PRDX6: variants seen among roughly 807,000 people sequenced by gnomAD.
PRDX6 encodes peroxiredoxin 6.
A neutral mutation model predicts 20.0 loss-of-function variants in PRDX6; 13 were observed. The observed-to-expected ratio is 0.65, with a 90% confidence interval of 0.42 to 1.03. The LOEUF is 1.03. Among genes scored for constraint, PRDX6 ranks in the 50% least tolerant of loss-of-function variants. PRDX6 has a pLI of 0.00. For missense variants in PRDX6, 203 were observed against 276.9 expected, an observed-to-expected ratio of 0.73 and a Z score of 1.89; for synonymous variants, 85 against 100.8, an observed-to-expected ratio of 0.84 and a Z score of 0.94.
chr1:173,486,068 A>G (rs975199808), intron 3 of PRDX6, among the ~76,000 whole-genome samples, 187 bp from the exon 4 acceptor site: 4 of 152,258 alleles, frequency 2.6e-5, no homozygotes, highest in African/African-American at 9.6e-5. Context: ...ACGTTTAGAA[A>G]ATAACAGGGA....
chr1:173,485,873 G>A (rs1390569732), intron 3 of PRDX6, among the ~76,000 whole-genome samples: 1 of 151,890 alleles, frequency 6.6e-6, no homozygotes, highest in African/African-American at 2.4e-5. Flanking sequence ...TCTGTCCTCC[G>A]CCCACTAGAA....
At chr1:173,479,250 G>A (rs369820417) in intron 1 of PRDX6, among the ~76,000 whole-genome samples, 8 of 152,226 alleles carry the variant, frequency 5.3e-5, no homozygotes, top group African/African-American at 9.6e-5. Flanking sequence ...TTAGGAACAC[G>A]GTAGAAATAT....
intron 2 of PRDX6, among the ~76,000 whole-genome samples, chr1:173,483,174 C>T (rs1658832173): frequency 6.6e-6 from 1 of 152,070 alleles, no homozygotes; most frequent in African/African-American, 2.4e-5. Context: ...TATATAATAC[C>T]TTTTAAAGGA....
chr1:173,487,781 C>A lies in PRDX6; in HGVS notation c.593C>A (p.Ala198Asp). The A allele has an allele frequency of 6.2e-7, 1 of 1,614,096 alleles. No individual in the cohort carries two copies. Among genetic ancestry groups the A allele is most frequent in the Non-Finnish European group, 8.5e-7 (1 of 1,179,988 alleles). ...CTTCCAACCATCCCTGAAGAAGAAG[C>A]CAAAAAACTTTTCCCGAAAGGAGTC... is the stretch of plus-strand genomic sequence containing the variant. ...MVLPTIPEEE[A>D]KKLFPKGVFT... Residue 198 changes from alanine to aspartate, a missense_variant, in exon 5 of 5, where the codon GCC becomes GAC. Coordinates refer to ENST00000340385, the MANE Select transcript of PRDX6 (RefSeq NM_004905.3).
chr1:173,484,927 C>A (rs1658872255), intron 2 of PRDX6, among the ~76,000 whole-genome samples: 2 of 150,688 alleles, frequency 1.3e-5, no homozygotes, highest in South Asian at 4.2e-4. Flanking sequence ...GGGACCAGAT[C>A]TATAAGATTT....
At chr1:173,485,315 A>T (rs142552101) in intron 2 of PRDX6, 46 bp from the exon 3 acceptor site, 1 of 1,483,242 alleles carries the variant, frequency 6.7e-7, no homozygotes, top group African/African-American at 1.4e-5. Flanking sequence ...AATTCAGAGC[A>T]TGTGTTGGGT....
chr1:173,487,868 C>T lies in PRDX6; in HGVS notation c.*5C>T, dbSNP rs372773282. On this transcript the variant is annotated 3_prime_UTR_variant, in exon 5 of 5. Coordinates refer to ENST00000340385, the MANE Select transcript of PRDX6 (RefSeq NM_004905.3). ...CGCTACACACCCCAGCCTTAAGTCT[C>T]TTGGAGAAGCTGGTGCTGTGAGCCA... is the stretch of plus-strand genomic sequence containing the variant. 1.9e-6 allele frequency: 3 copies of T among 1,612,058 alleles called. No homozygotes were observed. The highest frequency in any genetic ancestry group is 2.5e-6 in the Non-Finnish European group (3 of 1,179,882).
chr1:173,478,510 T>A (rs796955148), intron 1 of PRDX6, among the ~76,000 whole-genome samples: 8 of 152,060 alleles, frequency 5.3e-5, no homozygotes, highest in African/African-American at 1.9e-4. Flanking sequence ...TAAATCGGTG[T>A]TGCCCTTTTT....
chr1:173,482,852 T>A (rs2101857864), intron 2 of PRDX6, among the ~76,000 whole-genome samples: 1 of 152,302 alleles, frequency 6.6e-6, no homozygotes, highest in Admixed American at 6.5e-5. Context: ...GTAACTGTAG[T>A]TTTTGCTATC....
At chr1:173,485,033 G>A (rs1658873730) in intron 2 of PRDX6, among the ~76,000 whole-genome samples, 1 of 152,044 alleles carries the variant, frequency 6.6e-6, no homozygotes. Context: ...GAGGTACCTT[G>A]TATTTGGATC....
At chr1:173,483,184 A>G (rs897826861) in intron 2 of PRDX6, among the ~76,000 whole-genome samples, 1 of 152,224 alleles carries the variant, frequency 6.6e-6, no homozygotes, top group Non-Finnish European at 1.5e-5. Flanking sequence ...CTTTTAAAGG[A>G]CAGACGCATA....
chr1:173,483,214 C>T (rs1385165693), intron 2 of PRDX6, among the ~76,000 whole-genome samples: 3 of 152,158 alleles, frequency 2.0e-5, no homozygotes. Context: ...ATTTTACCTG[C>T]TGAGCTTCTG....
chr1:173,486,514 T>C, intron 4 of PRDX6, 113 bp downstream of exon 4: 1 of 1,159,230 alleles, frequency 8.6e-7, no homozygotes, highest in Non-Finnish European at 1.2e-6. Context: ...ACTGGGAGGA[T>C]TTTTCCTCAT....
chr1:173,478,378 G>A (rs983055351), intron 1 of PRDX6, among the ~76,000 whole-genome samples: 2 of 152,166 alleles, frequency 1.3e-5, no homozygotes, highest in Admixed American at 6.5e-5. Flanking sequence ...GTTTTCCAGT[G>A]GCTTGCCCCT....
chr1:173,481,015 G>A (rs544806317), intron 1 of PRDX6, among the ~76,000 whole-genome samples: 8 of 152,260 alleles, frequency 5.3e-5, no homozygotes, highest in African/African-American at 1.4e-4. Context: ...AGCACAGATT[G>A]TATTAGCCAA....
chr1:173,478,733 A>C (rs2101855966), intron 1 of PRDX6, among the ~76,000 whole-genome samples: 1 of 152,294 alleles, frequency 6.6e-6, no homozygotes, highest in South Asian at 2.1e-4. Flanking sequence ...CAGTGATTGG[A>C]CAGGGCTGTG....
rs1198519465 is a variant in PRDX6 at position 173,477,436 on chromosome 1, C to A, written c.39C>A (p.Asn13Lys). The A allele has an allele frequency of 6.2e-7, 1 of 1,608,694 alleles. No homozygotes were observed. The highest frequency in any genetic ancestry group is 1.7e-5 in the Admixed American group (1 of 59,526). Reference sequence around the variant, plus strand: ...TGCTTCTCGGGGACGTGGCTCCCAACTTTGAGGCCAATACCACCGTCGGCC... The same window carrying A: ...TGCTTCTCGGGGACGTGGCTCCCAAATTTGAGGCCAATACCACCGTCGGCC... Reference protein sequence around the residue: ...GGLLLGDVAPNFEANTTVGRI... With the variant: ...GGLLLGDVAPKFEANTTVGRI... The change falls in exon 1 of 5, where the codon AAC (asparagine) becomes AAA (lysine). Residue 13 changes from asparagine (N) to lysine (K), a missense_variant. Asn to Lys is a moderately conservative substitution (Grantham distance 94). Transcript: ENST00000340385.
At chr1:173,487,326 G>T (rs1658917946) in intron 4 of PRDX6, among the ~76,000 whole-genome samples, 1 of 152,202 alleles carries the variant, frequency 6.6e-6, no homozygotes, top group Non-Finnish European at 1.5e-5. Flanking sequence ...AGCAGTTAGT[G>T]CAAGAAACTG....
At chr1:173,478,490 A>G (rs1157137275) in intron 1 of PRDX6, among the ~76,000 whole-genome samples, 1 of 151,874 alleles carries the variant, frequency 6.6e-6, no homozygotes, top group Non-Finnish European at 1.5e-5. Context: ...ACCATTATGG[A>G]TAGGAGTAGT....
Sources: gnomAD v4.1 joint callset for allele counts (sites outside exome capture counted in the v4.1 genomes callset) on GRCh38, gnomAD v4.1.1 for gene constraint, MANE v1.5 for transcripts, NCBI Gene and HGNC (gene_info 2026-07-23, HGNC 2026-07-21) for gene names.